PTPRN2: variants seen among roughly 807,000 people sequenced by gnomAD.
PTPRN2 encodes the protein protein tyrosine phosphatase receptor type N2, also known as receptor-type tyrosine-protein phosphatase N2.
PTPRN2 carries 74 observed loss-of-function variants against 118.8 expected under a neutral mutation model. The ratio of observed to expected loss-of-function variants is 0.62; its 90% CI spans 0.52 to 0.76. The LOEUF (loss-of-function observed/expected upper bound fraction) is 0.76, where lower values mean the gene tolerates loss of function less well. PTPRN2 is among the 30% of genes least tolerant of loss of function. PTPRN2 has a pLI of 0.00. For missense variants in PTPRN2, 1,481 were observed against 1,394.4 expected (o/e 1.06, Z -0.99); for synonymous variants, 641 against 608.0 (o/e 1.05, Z -0.80).
intron 12 of PTPRN2, among the ~76,000 whole-genome samples, chr7:157,844,882 C>G (rs554582823): frequency 3.0e-4 from 46 of 152,324 alleles, no homozygotes; most frequent in African/African-American, 1.0e-3. Flanking sequence ...TGCTCGTGTC[C>G]GTGCACTGTG....
chr7:157,859,949 C>G (rs1157142552), intron 12 of PTPRN2, among the ~76,000 whole-genome samples: 1 of 142,696 alleles, frequency 7.0e-6, no homozygotes, highest in African/African-American at 2.6e-5. Flanking sequence ...GGAGAGCCCC[C>G]CAGCCACTGT....
Position 157,571,642 on chromosome 7 carries a change from A to C in PTPRN2, c.2784-149T>G, listed in dbSNP as rs79301084. On this transcript the variant is annotated intron_variant, in intron 19 of 22. Coordinates refer to ENST00000389418, the MANE Select transcript of PTPRN2 (RefSeq NM_002847.5). Reference sequence around the variant, plus strand: ...CGGAGAAAATAAAAATCATACGCATAATATCAAACATTTATTCTTCTTCTC... The same window carrying C: ...CGGAGAAAATAAAAATCATACGCATCATATCAAACATTTATTCTTCTTCTC... 526 of 599,562 alleles carry C rather than the reference A, an allele frequency of 8.8e-4. 3 individuals are homozygous for C. The African/African-American group carries it at 8.8e-3, about 10-fold the overall frequency. The allele number at this position is 599,562 out of a possible 1,614,324, so 37.1% of individuals were successfully genotyped here. A position where few individuals can be genotyped will look rare whatever the true frequency, so the allele number is the denominator to read the frequency against.
intron 2 of PTPRN2, among the ~76,000 whole-genome samples, chr7:158,399,954 C>T (rs67537656): frequency 0.43 from 65,230 of 151,912 alleles, 14,573 homozygotes; most frequent in Non-Finnish European, 0.49. Context: ...CTGGGAGGGG[C>T]GGCGAGTCTG....
At chr7:158,450,513 G>A (rs904189038) in intron 2 of PTPRN2, among the ~76,000 whole-genome samples, 3 of 152,190 alleles carry the variant, frequency 2.0e-5, no homozygotes, top group South Asian at 2.1e-4. Flanking sequence ...AAATAGTCCC[G>A]CCAGCAGCTG....
intron 10 of PTPRN2, among the ~76,000 whole-genome samples, chr7:158,096,402 T>A (rs1814628430): frequency 6.6e-6 from 1 of 152,202 alleles, no homozygotes; most frequent in South Asian, 2.1e-4. Flanking sequence ...TATCATTTCA[T>A]ACTAGGAAAC....
At position 158,477,918 on chromosome 7, in the gene PTPRN2, G is replaced by A. The variant is rs115707468; in HGVS notation, c.163+11817C>T. Among the ~76,000 whole-genome samples, 1,423 of 152,312 alleles carry A rather than the reference G, an allele frequency of 9.3e-3. 23 individuals are homozygous for A. Among genetic ancestry groups the A allele is most frequent in the African/African-American group, 0.032 (1,322 of 41,554 alleles). The stretch of plus-strand genomic sequence containing the variant: ...GCCCCAACAGGCAGGAAGCACAGGC[G>A]GTGTCCACAACTCTGCCTCCACACA... On this transcript the variant is annotated intron_variant, in intron 2 of 22. Transcript: ENST00000389418.
intron 3 of PTPRN2, among the ~76,000 whole-genome samples, chr7:158,269,205 C>A (rs1243833005): frequency 6.6e-6 from 1 of 152,192 alleles, no homozygotes; most frequent in Non-Finnish European, 1.5e-5. Flanking sequence ...CCTGCCCGAC[C>A]CCGCCCCAGA....
Position 157,589,648 on chromosome 7 carries a change from T to A in PTPRN2, c.2496+5590A>T, listed in dbSNP as rs766030722. Among the ~76,000 whole-genome samples, 64 of 152,318 alleles carry A rather than the reference T, an allele frequency of 4.2e-4. 2 individuals carry two copies. The highest frequency in any genetic ancestry group is 8.2e-4 in the Non-Finnish European group (56 of 68,028). ...ATGGGTATGAGGTGTTAAGACTCCTTATTTAGAAGCATTGAACAAAACAGT... is the reference window on the plus strand; with the variant it reads ...ATGGGTATGAGGTGTTAAGACTCCTAATTTAGAAGCATTGAACAAAACAGT... On this transcript the variant is annotated intron_variant, in intron 17 of 22. Coordinates refer to ENST00000389418, the MANE Select transcript of PTPRN2 (RefSeq NM_002847.5).
At chr7:157,958,382 T>C (rs1212092462) in intron 11 of PTPRN2, among the ~76,000 whole-genome samples, 2 of 152,180 alleles carry the variant, frequency 1.3e-5, no homozygotes, top group Non-Finnish European at 2.9e-5. Flanking sequence ...CAAGACAGTA[T>C]TGGAGGTGCC....
intron 10 of PTPRN2, among the ~76,000 whole-genome samples, chr7:158,100,125 A>G (rs965853265): frequency 2.6e-5 from 4 of 151,768 alleles, no homozygotes; most frequent in Non-Finnish European, 5.9e-5. Flanking sequence ...GTGAGAACAT[A>G]TGATGTTTGG....
At chr7:158,158,082 G>GGCGT (rs1394658114) in intron 6 of PTPRN2, among the ~76,000 whole-genome samples, 2 of 152,028 alleles carry the variant, frequency 1.3e-5, no homozygotes, top group African/African-American at 4.8e-5. Context: ...TAAGCCAAGA[G>GGCGT]GCGTGCTTGG....
chr7:157,645,777 G>T (rs1040410676), intron 14 of PTPRN2, among the ~76,000 whole-genome samples: 2 of 152,184 alleles, frequency 1.3e-5, no homozygotes, highest in African/African-American at 4.8e-5. Flanking sequence ...CCCGGTGTGG[G>T]TGGGCACCCC....
rs890305031 is a variant in PTPRN2 at position 158,414,113 on chromosome 7, T to G, written c.163+75622A>C. On this transcript the variant is annotated intron_variant, in intron 2 of 22. Transcript: ENST00000389418. ...AAAGGAAGCAAGGGGATTCCTAGTGTTCCAGCAGGGGGAGAACTGTGGTTC... is the reference window on the plus strand; with the variant it reads ...AAAGGAAGCAAGGGGATTCCTAGTGGTCCAGCAGGGGGAGAACTGTGGTTC... Among the ~76,000 whole-genome samples, 29 of 150,458 alleles carry G rather than the reference T, an allele frequency of 1.9e-4. 1 individual carries two copies. Among genetic ancestry groups the G allele is most frequent in the Non-Finnish European group, 2.7e-4 (18 of 67,824 alleles).
At chr7:158,100,306 T>C (rs1225906221) in intron 10 of PTPRN2, among the ~76,000 whole-genome samples, 1 of 151,992 alleles carries the variant, frequency 6.6e-6, no homozygotes, top group Non-Finnish European at 1.5e-5. Context: ...TACTCATTGA[T>C]TGATGGGCAT....
chr7:157,795,035 G>A (rs1312976654), intron 12 of PTPRN2, among the ~76,000 whole-genome samples: 1 of 151,880 alleles, frequency 6.6e-6, no homozygotes. Context: ...CTGTGCACCT[G>A]GGAGGCACCT....
rs548826775 is a variant in PTPRN2 at position 157,903,965 on chromosome 7, G to C, written c.1724-5228C>G. ...GCAAGCGACTAATCCATGTGCCCTC[G>C]TGACAGCGGCTGTTTTGCTGCATGT... On this transcript the variant is annotated intron_variant, in intron 11 of 22. Transcript: ENST00000389418. The surrounding 1 kb of genome is among the most constrained non-coding windows in gnomAD (Gnocchi z 4.2). 3.3e-5 allele frequency among the ~76,000 whole-genome samples: 5 copies of C among 152,148 alleles called. No homozygotes were observed. Among genetic ancestry groups the C allele is most frequent in the Admixed American group, 6.5e-5 (1 of 15,274 alleles).
intron 2 of PTPRN2, among the ~76,000 whole-genome samples, chr7:158,367,613 G>A (rs924958389): frequency 3.3e-5 from 5 of 152,260 alleles, no homozygotes; most frequent in Admixed American, 6.5e-5. Context: ...ACGAAATTAC[G>A]TTGTAAGTGA....
intron 10 of PTPRN2, among the ~76,000 whole-genome samples, chr7:158,097,620 A>T (rs1334919954): frequency 2.0e-5 from 3 of 152,150 alleles, no homozygotes; most frequent in African/African-American, 7.2e-5. Context: ...TTTTCCCAGG[A>T]GCACTGCCCA....
At chr7:157,734,208 C>T (rs113549487) in intron 12 of PTPRN2, among the ~76,000 whole-genome samples, 9,580 of 130,622 alleles carry the variant, frequency 0.073, 1,916 homozygotes, top group Non-Finnish European at 0.12. Flanking sequence ...CCGTCCCATG[C>T]GCCCAGCACA....
Sources: gnomAD v4.1 joint callset for allele counts (sites outside exome capture counted in the v4.1 genomes callset) on GRCh38, gnomAD v4.1.1 for gene constraint, Gnocchi (gnomAD v3.1) non-coding constraint, MANE v1.5 for transcripts, NCBI Gene and HGNC (gene_info 2026-07-23, HGNC 2026-07-21) for gene names.